Variants in SCAPER observed in about 807,000 individuals in gnomAD.
The protein encoded by SCAPER is S-phase cyclin A associated protein in the ER.
Under a neutral mutation model 182.2 loss-of-function variants are expected in SCAPER, and 98 were observed. That is an observed-to-expected ratio of 0.54 (90% confidence interval 0.46 to 0.64). The LOEUF is 0.64. SCAPER is among the 30% of genes least tolerant of loss of function. The pLI is 0.00. For synonymous variants in SCAPER, 605 were observed against 564.6 expected, an observed-to-expected ratio of 1.07 and a Z score of -1.01; for missense variants, 1,432 against 1,690.0, an observed-to-expected ratio of 0.85 and a Z score of 2.68.
At chr15:76,796,309 ACTC>A (rs948334395) in intron 7 of SCAPER, among the ~76,000 whole-genome samples, 33 of 152,170 alleles carry the variant, frequency 2.2e-4, no homozygotes, top group African/African-American at 6.7e-4. Context: ...TATCCTGTGT[ACTC>A]CTCATTTGAC....
At chr15:76,711,410 G>T (rs538907130) in intron 17 of SCAPER, among the ~76,000 whole-genome samples, 2 of 152,184 alleles carry the variant, frequency 1.3e-5, no homozygotes, top group African/African-American at 4.8e-5. Context: ...CAGCTAATAA[G>T]CACACTGACA....
intron 23 of SCAPER, among the ~76,000 whole-genome samples, chr15:76,540,673 C>T (rs1311346268): frequency 6.6e-6 from 1 of 151,808 alleles, no homozygotes; most frequent in Non-Finnish European, 1.5e-5. Flanking sequence ...ATTCTATTTA[C>T]ACATTTCTGT....
chr15:76,351,270 C>T lies in SCAPER; in HGVS notation c.4066G>A (p.Gly1356Ser). ...TFIQDLAQTPGQAENQPYQPK... is the reference protein window; with the variant it reads ...TFIQDLAQTPSQAENQPYQPK... ...TGGTAAGGCTGGTTTTCCGCTTGACCTGGAGTCTGTGCCAAATCCTGTATG... is the reference window on the plus strand; with the variant it reads ...TGGTAAGGCTGGTTTTCCGCTTGACTTGGAGTCTGTGCCAAATCCTGTATG... The change falls in exon 31 of 32, where the codon GGT becomes AGT. Residue 1356 changes from glycine (G) to serine (S), a missense_variant. Around this residue, in one of 5 missense-constraint regions of SCAPER, gnomAD observed 718 missense variants for 799.7 expected, o/e 0.90. Coordinates refer to ENST00000563290, the MANE Select transcript of SCAPER (RefSeq NM_020843.4). 1 of 1,610,198 alleles carries T rather than the reference C, an allele frequency of 6.2e-7. No individual in the cohort carries two copies. Among genetic ancestry groups the T allele is most frequent in the Non-Finnish European group, 8.5e-7 (1 of 1,178,120 alleles).
At chr15:76,700,467 C>T (rs1282983839) in intron 20 of SCAPER, among the ~76,000 whole-genome samples, 1 of 152,202 alleles carries the variant, frequency 6.6e-6, no homozygotes, top group African/African-American at 2.4e-5. Context: ...CCACCTCTTC[C>T]TCAGGAGAGA....
At position 76,444,879 on chromosome 15, in the gene SCAPER, A is replaced by G. The variant is rs533363811; in HGVS notation, c.3079-10569T>C. On this transcript the variant is annotated intron_variant, in intron 25 of 31. Transcript: ENST00000563290. ...TAACTTCAAATTCATTGATTCTTTC[A>G]TCCTTTCTCCCCATTCAGTCATTGG... 1.4e-4 allele frequency among the ~76,000 whole-genome samples: 21 copies of G among 152,266 alleles called. No homozygotes were observed. In the South Asian group the frequency reaches 3.1e-3, roughly 23 times the overall value.
At chr15:76,897,690 G>GAGCA (rs1480197749) in intron 1 of SCAPER, among the ~76,000 whole-genome samples, 2 of 152,110 alleles carry the variant, frequency 1.3e-5, no homozygotes, top group African/African-American at 4.8e-5. Flanking sequence ...CTGGGTGACA[G>GAGCA]AGACTCTATC....
chr15:76,648,630 A>T (rs1450256269), intron 21 of SCAPER, among the ~76,000 whole-genome samples: 1 of 152,228 alleles, frequency 6.6e-6, no homozygotes, highest in Non-Finnish European at 1.5e-5. Context: ...GAAAGAAATT[A>T]TTTAGGCAGA....
chr15:76,574,977 A>G (rs990011206), intron 22 of SCAPER, among the ~76,000 whole-genome samples: 5 of 152,004 alleles, frequency 3.3e-5, no homozygotes, highest in African/African-American at 1.2e-4. Context: ...TCCCCTATAT[A>G]TCATCCCCGT....
At chr15:76,357,768 TA>T (rs1293941508) in intron 29 of SCAPER, among the ~76,000 whole-genome samples, 2 of 152,000 alleles carry the variant, frequency 1.3e-5, no homozygotes, top group Non-Finnish European at 2.9e-5. Flanking sequence ...TACTCAGCCA[TA>T]AAAAAAATGA....
intron 1 of SCAPER, among the ~76,000 whole-genome samples, chr15:76,892,525 C>G (rs1044767595): frequency 6.6e-6 from 1 of 152,214 alleles, no homozygotes; most frequent in African/African-American, 2.4e-5. Context: ...TGAACAGACA[C>G]TTCTCTAAAG....
intron 15 of SCAPER, among the ~76,000 whole-genome samples, chr15:76,742,384 TA>T (rs55961753): frequency 0.89 from 127,346 of 142,590 alleles, 56,811 homozygotes; most frequent in East Asian, 0.96. Context: ...ATTTAACTGA[TA>T]AAAAAAAACA....
intron 5 of SCAPER, among the ~76,000 whole-genome samples, chr15:76,815,161 A>G (rs2066963824): frequency 6.6e-6 from 1 of 152,218 alleles, no homozygotes; most frequent in Admixed American, 6.5e-5. Flanking sequence ...CTATTTGTGG[A>G]AATGTAAACT....
At chr15:76,443,265 A>C (rs1288781244) in intron 25 of SCAPER, among the ~76,000 whole-genome samples, 1 of 152,260 alleles carries the variant, frequency 6.6e-6, no homozygotes, top group Non-Finnish European at 1.5e-5. Flanking sequence ...GCACCAAAAT[A>C]AACTTACACC....
intron 24 of SCAPER, among the ~76,000 whole-genome samples, chr15:76,493,246 A>G (rs2052506688): frequency 6.6e-6 from 1 of 152,250 alleles, no homozygotes; most frequent in African/African-American, 2.4e-5. Flanking sequence ...ATATCATAAA[A>G]TATAACATTT....
At chr15:76,833,432 C>G (rs574415772) in intron 5 of SCAPER, among the ~76,000 whole-genome samples, 1 of 151,940 alleles carries the variant, frequency 6.6e-6, no homozygotes, top group East Asian at 1.9e-4. Flanking sequence ...CCCACTGACA[C>G]GAAAAAGCAA....
intron 29 of SCAPER, among the ~76,000 whole-genome samples, chr15:76,375,285 A>G (rs1435035195): frequency 6.7e-6 from 1 of 150,252 alleles, no homozygotes; most frequent in African/African-American, 2.4e-5. Flanking sequence ...TTTTTTTTTA[A>G]ATCTATGAAA....
chr15:76,888,612 G>A (rs2073992746), intron 1 of SCAPER, among the ~76,000 whole-genome samples: 1 of 152,000 alleles, frequency 6.6e-6, no homozygotes, highest in Non-Finnish European at 1.5e-5. Flanking sequence ...GAAGTAAGAA[G>A]ACAAGATTAG....
At chr15:76,506,459 A>G (rs575700311) in intron 23 of SCAPER, among the ~76,000 whole-genome samples, 2 of 152,272 alleles carry the variant, frequency 1.3e-5, no homozygotes, top group South Asian at 4.1e-4. Context: ...TCAGATAGTT[A>G]TAAATAAGGT....
rs116197391 is a variant in SCAPER at position 76,657,305 on chromosome 15, T to C, written c.2645+8348A>G. On this transcript the variant is annotated intron_variant, in intron 21 of 31. Transcript: ENST00000563290. The stretch of plus-strand genomic sequence containing the variant: ...TACAAACTAGAAAATCTAGAAGAAA[T>C]TGATAAATTCCTGGAAACATACAAC... 9.1e-3 allele frequency among the ~76,000 whole-genome samples: 1,383 copies of C among 151,920 alleles called. 22 individuals are homozygous for C. Among genetic ancestry groups the C allele is most frequent in the African/African-American group, 0.032 (1,340 of 41,430 alleles).
Sources: allele counts gnomAD v4.1 joint callset (sites outside exome capture counted in the v4.1 genomes callset), GRCh38; gene constraint gnomAD v4.1.1; regional missense constraint gnomAD v4.1.1; transcripts MANE v1.5; gene names NCBI Gene and HGNC (gene_info 2026-07-23, HGNC 2026-07-21).